Variants in PUM2 observed in about 807,000 individuals in gnomAD.
PUM2 encodes the protein pumilio homolog 2.
In PUM2, 57 loss-of-function variants were observed where a neutral mutation model predicts 124.5. The ratio of observed to expected loss-of-function variants is 0.46; its 90% CI spans 0.37 to 0.57. The LOEUF is 0.57. Ranked by LOEUF, PUM2 falls within the 20% of genes least tolerant of loss-of-function variation. PUM2 has a pLI of 0.00. For missense variants in PUM2, 1,065 were observed against 1,290.6 expected, an observed-to-expected ratio of 0.83 and a Z score of 2.68; for synonymous variants, 460 against 446.1, an observed-to-expected ratio of 1.03 and a Z score of -0.39.
intron 13 of PUM2, among the ~76,000 whole-genome samples, chr2:20,270,476 T>C (rs1024559293): frequency 6.6e-6 from 1 of 152,156 alleles, no homozygotes; most frequent in African/African-American, 2.4e-5. Flanking sequence ...TATGGGTACA[T>C]TTATTGTCTC....
rs1666722374 is a variant in PUM2, at chr2:20,263,234, A to C, written c.2184T>G (p.Ile728Met). Residue 728 changes from isoleucine to methionine, a missense_variant, in exon 14 of 21, where the codon ATT (isoleucine) becomes ATG (methionine). Ile to Met is a conservative substitution (Grantham distance 10). This residue lies in a region of PUM2 where 968 missense variants were observed against 1,159.8 expected (regional missense o/e 0.83). Coordinates refer to ENST00000361078, the MANE Select transcript of PUM2 (RefSeq NM_015317.5). ...RFPNLQLRDLIGHIVEFSQDQ... is the reference protein window; with the variant it reads ...RFPNLQLRDLMGHIVEFSQDQ... The stretch of plus-strand genomic sequence containing the variant: ...CTTGAGAAAACTCAACTATATGTCC[A>C]ATCAAGTCTCTAAGCTGAAGGTTTG... 1 of 1,605,062 alleles carries C rather than the reference A, an allele frequency of 6.2e-7. No homozygotes were observed.
At chr2:20,324,059 A>G (rs1683079520) in intron 2 of PUM2, among the ~76,000 whole-genome samples, 1 of 152,190 alleles carries the variant, frequency 6.6e-6, no homozygotes, top group African/African-American at 2.4e-5. Context: ...GATTATCTAG[A>G]CAAACTATGA....
chr2:20,257,333 A>G (rs981311073), intron 16 of PUM2, among the ~76,000 whole-genome samples: 1 of 152,174 alleles, frequency 6.6e-6, no homozygotes, highest in African/African-American at 2.4e-5. Flanking sequence ...TGATGAATAT[A>G]TACACATATA....
intron 13 of PUM2, among the ~76,000 whole-genome samples, chr2:20,277,473 G>A (rs1670522888): frequency 6.6e-6 from 1 of 152,104 alleles, no homozygotes; most frequent in Non-Finnish European, 1.5e-5. Flanking sequence ...ATGAGCAAAG[G>A]CCCAGAATTT....
At chr2:20,329,246 T>C (rs901493710) in intron 1 of PUM2, among the ~76,000 whole-genome samples, 18 of 147,874 alleles carry the variant, frequency 1.2e-4, no homozygotes, top group African/African-American at 4.5e-4. Context: ...ATGACCAACA[T>C]GGTAAAAACA....
At chr2:20,326,297 G>C in intron 2 of PUM2, 1 of 1,303,912 alleles carries the variant, frequency 7.7e-7, no homozygotes, top group Non-Finnish European at 1.0e-6. Context: ...ATACTCTTTG[G>C]AAAACGCTGT....
At chr2:20,258,068 C>T (rs1665238022) in intron 16 of PUM2, among the ~76,000 whole-genome samples, 175 bp downstream of exon 16, 1 of 152,166 alleles carries the variant, frequency 6.6e-6, no homozygotes, top group Non-Finnish European at 1.5e-5. Context: ...TAGAAATTAT[C>T]TACTTTGTGA....
At chr2:20,304,013 G>C (rs1180954876) in intron 7 of PUM2, among the ~76,000 whole-genome samples, 1 of 152,078 alleles carries the variant, frequency 6.6e-6, no homozygotes, top group African/African-American at 2.4e-5. Flanking sequence ...ATTTTTGTTT[G>C]AAACATTATC....
rs537903670 is a variant in PUM2 at position 20,262,252 on chromosome 2, C to T, written c.2225+941G>A. On this transcript the variant is annotated intron_variant, in intron 14 of 20. Coordinates refer to ENST00000361078, the MANE Select transcript of PUM2 (RefSeq NM_015317.5). ...TATACTCACAACTCACTCACTCACC[C>T]GGAGCAACTTCCAGTCCTGCAAGCT... Among the ~76,000 whole-genome samples the T allele has an allele frequency of 1.4e-3, 217 of 152,350 alleles. 1 individual carries two copies. The highest frequency in any genetic ancestry group is 4.6e-3 in the African/African-American group (191 of 41,582).
At chr2:20,255,025 C>G (rs752326048) in intron 18 of PUM2, 41 bp from the exon 19 acceptor site, 4 of 1,573,172 alleles carry the variant, frequency 2.5e-6, no homozygotes, top group African/African-American at 1.4e-5. Flanking sequence ...TAAGTCATTC[C>G]TTAAGAATGA....
At chr2:20,276,253 G>GA (rs1223644271) in intron 13 of PUM2, among the ~76,000 whole-genome samples, 1 of 121,076 alleles carries the variant, frequency 8.3e-6, no homozygotes, top group East Asian at 2.7e-4. Context: ...CTTAAAAAAT[G>GA]AAAACTTTTT....
In PUM2 at chr2:20,347,385, GA is replaced by G. The variant is rs1001645378; in HGVS notation, c.-19+3211del. On this transcript the variant is annotated intron_variant, in intron 1 of 20. Transcript: ENST00000361078. The stretch of plus-strand genomic sequence containing the variant: ...GTTATTTGAAGAAAAAGTCACTAAG[GA>G]AAAAAAACACTAACATGTCTCTAAA... Among the ~76,000 whole-genome samples the G allele has an allele frequency of 7.3e-4, 110 of 151,402 alleles. 1 individual carries two copies. The highest frequency in any genetic ancestry group is 2.4e-3 in the African/African-American group (101 of 41,270).
At chr2:20,343,996 A>T (rs191752778) in intron 1 of PUM2, among the ~76,000 whole-genome samples, 46 of 152,366 alleles carry the variant, frequency 3.0e-4, no homozygotes, top group African/African-American at 1.1e-3. Context: ...ACAGAGTTGT[A>T]ATAGAAAATA....
Position 20,250,011 on chromosome 2 carries a change from T to C in PUM2, c.*1574A>G, listed in dbSNP as rs1391616334. 1 of 152,646 alleles carries C rather than the reference T, an allele frequency of 6.6e-6. No homozygotes were observed. The highest frequency in any genetic ancestry group is 1.5e-5 in the Non-Finnish European group (1 of 68,040). 9.5% of individuals were successfully genotyped at this position (152,646 alleles called of 1,614,324 possible). ...AGAGGAAAAAATGTTATCATACAGA[T>C]TTGCTCTTACTTGGGAGTAGGCTAT... On this transcript the variant is annotated 3_prime_UTR_variant, in exon 21 of 21. Transcript: ENST00000361078.
At chr2:20,300,334 A>G (rs1676672841) in intron 7 of PUM2, among the ~76,000 whole-genome samples, 1 of 152,108 alleles carries the variant, frequency 6.6e-6, no homozygotes, top group Non-Finnish European at 1.5e-5. Context: ...TTTTTAGTAG[A>G]GACGGGGTTT....
At chr2:20,261,530 T>TAAA (rs199675974) in intron 14 of PUM2, among the ~76,000 whole-genome samples, 33 of 139,036 alleles carry the variant, frequency 2.4e-4, no homozygotes, top group African/African-American at 5.6e-4. Context: ...TCCACTTGTT[T>TAAA]AAAAAAAAAA....
In PUM2 at chr2:20,325,198, C is replaced by T. The variant is rs756767045; in HGVS notation, c.51+2112G>A. ...AGAAATCTCAGTAGGTTTTTCTTAG[C>T]TATCTTTTTGAGGTGACAGTGTTAG... On this transcript the variant is annotated intron_variant, in intron 2 of 20. Transcript: ENST00000361078. Among the ~76,000 whole-genome samples, 3 of 152,144 alleles carry T rather than the reference C, an allele frequency of 2.0e-5. No homozygotes were observed. In the East Asian group the frequency reaches 5.8e-4, roughly 29 times the overall value.
chr2:20,338,357 A>C (rs972256677), intron 1 of PUM2, among the ~76,000 whole-genome samples: 3 of 152,190 alleles, frequency 2.0e-5, no homozygotes, highest in Non-Finnish European at 4.4e-5. Context: ...AGACTGCACC[A>C]CTGCACTCCA....
At chr2:20,299,287 C>T (rs757276300) in intron 7 of PUM2, among the ~76,000 whole-genome samples, 3 of 152,036 alleles carry the variant, frequency 2.0e-5, no homozygotes, top group Non-Finnish European at 2.9e-5. Flanking sequence ...CAGCTGGTGT[C>T]TCCTGCTTGG....
Sources: gnomAD v4.1 joint callset for allele counts (sites outside exome capture counted in the v4.1 genomes callset) on GRCh38, gnomAD v4.1.1 for gene constraint, gnomAD v4.1.1 regional missense constraint, MANE v1.5 for transcripts, NCBI Gene and HGNC (gene_info 2026-07-23, HGNC 2026-07-21) for gene names.